The following LSM14A variants were observed in gnomAD, a reference collection of about 807,000 sequenced individuals.
The protein encoded by LSM14A is protein LSM14 homolog A.
Under a neutral mutation model 52.4 loss-of-function variants are expected in LSM14A, and 14 were observed. The ratio of observed to expected loss-of-function variants is 0.27; its 90% CI spans 0.18 to 0.42. The LOEUF (loss-of-function observed/expected upper bound fraction) is 0.42. Among genes scored for constraint, LSM14A ranks in the 10% least tolerant of loss-of-function variants. The pLI is 1.00. For synonymous variants in LSM14A, 185 were observed against 200.3 expected, an observed-to-expected ratio of 0.92 and a Z score of 0.64; for missense variants, 417 against 581.8, an observed-to-expected ratio of 0.72 and a Z score of 2.91.
At chr19:34,198,388 C>T (rs977830753) in intron 3 of LSM14A, among the ~76,000 whole-genome samples, 5 of 148,298 alleles carry the variant, frequency 3.4e-5, no homozygotes, top group Non-Finnish European at 3.0e-5. Flanking sequence ...AGGCTGTGGG[C>T]GGATCACCTG....
chr19:34,198,345 G>A (rs922695699), intron 3 of LSM14A, among the ~76,000 whole-genome samples: 2 of 152,166 alleles, frequency 1.3e-5, no homozygotes, highest in African/African-American at 4.8e-5. Flanking sequence ...AGCTGGGCGC[G>A]GTGGCTCACG....
At chr19:34,185,103 T>G (rs761136045) in intron 1 of LSM14A, among the ~76,000 whole-genome samples, 4 of 152,264 alleles carry the variant, frequency 2.6e-5, no homozygotes, top group Non-Finnish European at 4.4e-5. Flanking sequence ...AGATGGGCTC[T>G]TAACAAGATG....
intron 8 of LSM14A, among the ~76,000 whole-genome samples, chr19:34,221,195 G>A (rs1348665729): frequency 6.7e-6 from 1 of 149,610 alleles, no homozygotes. Flanking sequence ...TGATTCTCCT[G>A]CCTCAACCCC....
At chr19:34,204,479 A>G (rs912267137) in intron 3 of LSM14A, among the ~76,000 whole-genome samples, 8 of 151,442 alleles carry the variant, frequency 5.3e-5, no homozygotes, top group African/African-American at 1.9e-4. Context: ...GTGGTGGCCA[A>G]GGTGGGAGGA....
intron 3 of LSM14A, among the ~76,000 whole-genome samples, chr19:34,202,128 T>TG (rs1248228528): frequency 7.3e-6 from 1 of 136,412 alleles, no homozygotes; most frequent in Non-Finnish European, 1.6e-5. Flanking sequence ...TTTAGTAAGT[T>TG]TTTTTTTTTT....
intron 3 of LSM14A, among the ~76,000 whole-genome samples, chr19:34,205,069 T>C (rs990695337): frequency 6.6e-6 from 1 of 151,910 alleles, no homozygotes; most frequent in Non-Finnish European, 1.5e-5. Flanking sequence ...GAGGCAGAGG[T>C]TGCAGTGAGC....
chr19:34,173,170 C>T (rs144457951), intron 1 of LSM14A, among the ~76,000 whole-genome samples: 1 of 152,214 alleles, frequency 6.6e-6, no homozygotes, highest in African/African-American at 2.4e-5. Context: ...CTACACAGCA[C>T]CCATTTTCTC....
chr19:34,218,160 C>T (rs1028371952), intron 6 of LSM14A, among the ~76,000 whole-genome samples: 3 of 152,072 alleles, frequency 2.0e-5, no homozygotes, highest in East Asian at 1.9e-4. Flanking sequence ...TACGCCACCA[C>T]GCCTGGCTAA....
chr19:34,219,358 A>T, intron 6 of LSM14A, 33 bp from the exon 7 acceptor site: 3 of 1,499,172 alleles, frequency 2.0e-6, no homozygotes, highest in Non-Finnish European at 2.7e-6. Context: ...TTACATATTG[A>T]ATGTCCTTTG....
At chr19:34,214,021 G>T (rs141543142) in intron 4 of LSM14A, among the ~76,000 whole-genome samples, 1 of 152,022 alleles carries the variant, frequency 6.6e-6, no homozygotes. Flanking sequence ...GAGCTCAAGC[G>T]ATCTGCCCAT....
chr19:34,175,021 CT>C (rs998850933), intron 1 of LSM14A, among the ~76,000 whole-genome samples: 10 of 152,116 alleles, frequency 6.6e-5, no homozygotes, highest in African/African-American at 2.4e-4. Flanking sequence ...TTTTAAAAAA[CT>C]TTTCAGCAGC....
chr19:34,197,431 C>CTTTTTTTTT (rs531343486), intron 3 of LSM14A, among the ~76,000 whole-genome samples: 27 of 63,284 alleles, frequency 4.3e-4, no homozygotes, highest in East Asian at 1.3e-3. Context: ...ATTTCTTTTT[C>CTTTTTTTTT]TTTTTTTTTT....
chr19:34,175,021 C>T (rs1415761389), intron 1 of LSM14A, among the ~76,000 whole-genome samples: 1 of 152,116 alleles, frequency 6.6e-6, no homozygotes, highest in Non-Finnish European at 1.5e-5. Context: ...TTTTAAAAAA[C>T]TTTTCAGCAG....
intron 3 of LSM14A, among the ~76,000 whole-genome samples, chr19:34,198,487 A>G (rs574337463): frequency 6.6e-6 from 1 of 152,170 alleles, no homozygotes; most frequent in East Asian, 1.9e-4. Flanking sequence ...GTGGTGGTGC[A>G]TGCCTGTAAT....
intron 3 of LSM14A, among the ~76,000 whole-genome samples, chr19:34,202,756 G>T (rs557570303): frequency 6.6e-6 from 1 of 152,088 alleles, no homozygotes; most frequent in African/African-American, 2.4e-5. Context: ...CCTGGTTCAC[G>T]CCATTCTCCT....
At chr19:34,199,630 T>C (rs747776326) in intron 3 of LSM14A, among the ~76,000 whole-genome samples, 61 of 152,268 alleles carry the variant, frequency 4.0e-4, no homozygotes, top group Non-Finnish European at 5.0e-4. Flanking sequence ...GGTTATTTCC[T>C]AGCTCTGTTC....
At chr19:34,199,373 C>T (rs530326351) in intron 3 of LSM14A, among the ~76,000 whole-genome samples, 30 of 152,238 alleles carry the variant, frequency 2.0e-4, no homozygotes, top group Non-Finnish European at 3.1e-4. Context: ...TTGAGTGATC[C>T]GCCCATCTTG....
chr19:34,201,368 C>T (rs988076942), intron 3 of LSM14A, among the ~76,000 whole-genome samples: 24 of 152,044 alleles, frequency 1.6e-4, no homozygotes, highest in African/African-American at 5.6e-4. Flanking sequence ...TTTGAGATGG[C>T]GTCTTGCTCT....
At chr19:34,206,455 T>C (rs1306861086) in intron 3 of LSM14A, among the ~76,000 whole-genome samples, 1 of 150,690 alleles carries the variant, frequency 6.6e-6, no homozygotes, top group African/African-American at 2.4e-5. Flanking sequence ...GATCACGAGG[T>C]CAGGAGATCG....
Sources: allele counts gnomAD v4.1 joint callset (sites outside exome capture counted in the v4.1 genomes callset), GRCh38; gene constraint gnomAD v4.1.1; transcripts MANE v1.5; gene names NCBI Gene and HGNC (gene_info 2026-07-23, HGNC 2026-07-21).